The following LONRF2 variants were observed in gnomAD, a reference collection of about 807,000 sequenced individuals.
LONRF2 encodes LON peptidase N-terminal domain and RING finger protein 2.
Under a neutral mutation model 66.6 loss-of-function variants are expected in LONRF2, and 35 were observed. The ratio of observed to expected loss-of-function variants is 0.53; its 90% CI spans 0.40 to 0.70. The LOEUF (loss-of-function observed/expected upper bound fraction) is 0.70. Ranked by LOEUF, LONRF2 falls within the 30% of genes least tolerant of loss-of-function variation. The pLI is 0.00. For missense variants in LONRF2, 902 were observed against 1,002.1 expected (o/e 0.90, Z 1.35); for synonymous variants, 417 against 418.1 (o/e 1.00, Z 0.03).
At chr2:100,296,075 AAG>A (rs1057201629) in intron 7 of LONRF2, among the ~76,000 whole-genome samples, 1 of 152,042 alleles carries the variant, frequency 6.6e-6, no homozygotes, top group African/African-American at 2.4e-5. Flanking sequence ...TGGATTGAGA[AAG>A]AGAGAGAGGG....
At chr2:100,294,659 A>G (rs142015495) in intron 8 of LONRF2, among the ~76,000 whole-genome samples, 53 of 152,266 alleles carry the variant, frequency 3.5e-4, no homozygotes, top group Admixed American at 2.0e-3. Context: ...CCTTTTAAGC[A>G]CTCTAAAAAA....
intron 1 of LONRF2, among the ~76,000 whole-genome samples, chr2:100,321,054 T>C (rs1349800215): frequency 3.3e-5 from 5 of 152,198 alleles, no homozygotes; most frequent in African/African-American, 1.2e-4. Context: ...GCCTGTAGTG[T>C]GTCAGCTATG....
In LONRF2 at chr2:100,321,671, G is replaced by A. The variant is rs1292716848; in HGVS notation, c.423C>T (p.Leu141=). 18 of 1,335,788 alleles carry A rather than the reference G, an allele frequency of 1.3e-5. No homozygotes were observed. Among genetic ancestry groups the A allele is most frequent in the Non-Finnish European group, 1.7e-5 (18 of 1,045,434 alleles). The allele number at this position is 1,335,788 out of a possible 1,614,324, so 82.7% of individuals were successfully genotyped here. Residue 141 remains leucine (L), a synonymous_variant, in exon 1 of 12, where the codon CTC becomes CTT. Transcript: ENST00000393437. The part of the protein sequence containing the change: ...APEPRAPRDL[L]GCPRCRRLLH... ...GCAGCCGCCGGCAGCGCGGGCAGCCGAGCAGGTCGCGGGGCGCGCGGGGCT... is the reference window on the plus strand; with the variant it reads ...GCAGCCGCCGGCAGCGCGGGCAGCCAAGCAGGTCGCGGGGCGCGCGGGGCT...
At chr2:100,299,027 C>T in intron 6 of LONRF2, 77 bp from the exon 7 acceptor site, 4 of 1,130,126 alleles carry the variant, frequency 3.5e-6, no homozygotes, top group Middle Eastern at 2.0e-4. Context: ...TTGAAGGATT[C>T]CTTATGCAAT....
chr2:100,294,485 C>A lies in LONRF2; in HGVS notation c.1599-98G>T, dbSNP rs777433053. The A allele has an allele frequency of 8.7e-5, 98 of 1,124,600 alleles. 1 individual carries two copies. Among genetic ancestry groups the A allele is most frequent in the Middle Eastern group, 6.2e-4 (2 of 3,246 alleles). The allele number at this position is 1,124,600 out of a possible 1,614,324, so 69.7% of individuals were successfully genotyped here. A position where few individuals can be genotyped will look rare whatever the true frequency, so the allele number is the denominator to read the frequency against. On this transcript the variant is annotated intron_variant, in intron 8 of 11. Coordinates refer to ENST00000393437, the MANE Select transcript of LONRF2 (RefSeq NM_198461.4). The stretch of plus-strand genomic sequence containing the variant: ...CAGCAAAAGCCAGCCAACCTCAGTT[C>A]TCCCCTCTACAAAACAAAACCCTCA...
chr2:100,284,177 G>T lies in LONRF2; in HGVS notation c.*121C>A. The T allele has an allele frequency of 2.3e-6, 2 of 860,926 alleles. No individual in the cohort carries two copies. The highest frequency in any genetic ancestry group is 3.4e-6 in the Non-Finnish European group (2 of 581,162). The allele number at this position is 860,926 out of a possible 1,614,324, so 53.3% of individuals were successfully genotyped here. A position where few individuals can be genotyped will look rare whatever the true frequency, so the allele number is the denominator to read the frequency against. On this transcript the variant is annotated 3_prime_UTR_variant, in exon 12 of 12. Coordinates refer to ENST00000393437, the MANE Select transcript of LONRF2 (RefSeq NM_198461.4). The stretch of plus-strand genomic sequence containing the variant: ...GAGGAGGACTCAATGTTTGGCAAGC[G>T]TCCCATTTTGGAACCTCATCCACAA...
At chr2:100,307,163 G>T (rs546087616) in intron 2 of LONRF2, among the ~76,000 whole-genome samples, 1 of 152,124 alleles carries the variant, frequency 6.6e-6, no homozygotes, top group African/African-American at 2.4e-5. Flanking sequence ...CTCGTGATCC[G>T]CCCGTCTCGG....
At chr2:100,294,445 T>C (rs1675024228) in intron 8 of LONRF2, 58 bp from the exon 9 acceptor site, 1 of 1,456,592 alleles carries the variant, frequency 6.9e-7, no homozygotes, top group Non-Finnish European at 9.1e-7. Context: ...CAGAGGGTGG[T>C]ACTGGCCACC....
rs372796729 is a variant in LONRF2 at position 100,298,839 on chromosome 2, C to T, written c.1473G>A (p.Ser491=). The T allele has an allele frequency of 3.1e-5, 50 of 1,612,666 alleles. No homozygotes were observed. The highest frequency in any genetic ancestry group is 8.3e-5 in the Admixed American group (5 of 59,986). ...PHCPLCKDKL[S]ELLASRNFNI... ...TCATTTCCTAAAGTGTACTTACTTC[C>T]GAAAGTTTGTCTTTGCACAAAGGAC... Residue 491 remains serine, a synonymous_variant, in exon 7 of 12, where the codon TCG becomes TCA. Transcript: ENST00000393437.
At position 100,315,594 on chromosome 2, in the gene LONRF2, G is replaced by A. The variant is rs183886169; in HGVS notation, c.679+5821C>T. Among the ~76,000 whole-genome samples, 830 of 122,118 alleles carry A rather than the reference G, an allele frequency of 6.8e-3. 13 individuals are homozygous for A. Among genetic ancestry groups the A allele is most frequent in the Non-Finnish European group, 5.3e-3 (278 of 52,026 alleles). The allele number at this position is 122,118 out of a possible 152,430, so 80.1% of individuals were successfully genotyped here. On this transcript the variant is annotated intron_variant, in intron 1 of 11. Transcript: ENST00000393437. ...AAATTAAGAAAGTTCCTTTTTATTC[G>A]TAGTTTCCTGAGAGATGCATCATAT...
rs1675631701 is a variant in LONRF2 at position 100,321,678 on chromosome 2, TCGCGGGGCG to T, written c.407_415del (p.Ala136_Arg138del). 1 of 1,268,000 alleles carries T rather than the reference TCGCGGGGCG, an allele frequency of 7.9e-7. No homozygotes were observed. Among genetic ancestry groups the T allele is most frequent in the Non-Finnish European group, 9.9e-7 (1 of 1,011,160 alleles). 78.5% of individuals were successfully genotyped at this position (1,268,000 alleles called of 1,614,324 possible). The stretch of plus-strand genomic sequence containing the variant: ...CCGGCAGCGCGGGCAGCCGAGCAGG[TCGCGGGGCG>T]CGCGGGGCTCCGGGGCCGGCCCTCC... On this transcript the variant is annotated inframe_deletion, in exon 1 of 12. Transcript: ENST00000393437.
At chr2:100,293,848 G>T (rs1401287197) in intron 9 of LONRF2, among the ~76,000 whole-genome samples, 1 of 152,138 alleles carries the variant, frequency 6.6e-6, no homozygotes, top group East Asian at 1.9e-4. Context: ...CCAAAGTGCT[G>T]GGATTACAAG....
Position 100,322,468 on chromosome 2 carries a change from C to T in LONRF2, c.-375G>A. ...CTCCAGGTCCGCGTCTCTTGCGATG[C>T]TTCCCCCACTCGCCTGAGGGCTCCT... On this transcript the variant is annotated 5_prime_UTR_variant, in exon 1 of 12. Coordinates refer to ENST00000393437, the MANE Select transcript of LONRF2 (RefSeq NM_198461.4). 6.0e-6 allele frequency: 1 copy of T among 167,904 alleles called. No homozygotes were observed. Among genetic ancestry groups the T allele is most frequent in the Non-Finnish European group, 1.3e-5 (1 of 78,628 alleles). The allele number at this position is 167,904 out of a possible 1,614,324, so 10.4% of individuals were successfully genotyped here. A position where few individuals can be genotyped will look rare whatever the true frequency, so the allele number is the denominator to read the frequency against.
chr2:100,318,608 C>G (rs896166932), intron 1 of LONRF2, among the ~76,000 whole-genome samples: 3 of 151,746 alleles, frequency 2.0e-5, no homozygotes, highest in African/African-American at 7.3e-5. Context: ...GGGCAGATCA[C>G]TTGACTACAG....
chr2:100,309,339 C>T, intron 1 of LONRF2, 114 bp from the exon 2 acceptor site: 1 of 485,392 alleles, frequency 2.1e-6, no homozygotes, highest in Non-Finnish European at 3.6e-6. Context: ...AGTATAAATA[C>T]AATACAATAC....
intron 1 of LONRF2, 146 bp downstream of exon 1, chr2:100,321,269 C>G (rs1675617448): frequency 1.4e-6 from 1 of 712,334 alleles, no homozygotes; most frequent in African/African-American, 1.9e-5. Context: ...CACCTTTCAC[C>G]TTCCCATCCT....
intron 2 of LONRF2, among the ~76,000 whole-genome samples, chr2:100,308,205 T>A (rs1461242953): frequency 7.1e-6 from 1 of 140,934 alleles, no homozygotes; most frequent in African/African-American, 2.7e-5. Context: ...CTGTCTCTAC[T>A]AAAAAATACA....
At chr2:100,318,728 G>A (rs1675559901) in intron 1 of LONRF2, among the ~76,000 whole-genome samples, 1 of 151,952 alleles carries the variant, frequency 6.6e-6, no homozygotes, top group Non-Finnish European at 1.5e-5. Flanking sequence ...TTACCTGAGA[G>A]GCTGAGGCAC....
At chr2:100,304,186 C>T (rs1454620569) in intron 2 of LONRF2, among the ~76,000 whole-genome samples, 2 of 151,852 alleles carry the variant, frequency 1.3e-5, no homozygotes, top group African/African-American at 2.4e-5. Flanking sequence ...AGGGTCTCAC[C>T]CTGTTGCCCA....
Sources: gnomAD v4.1 joint callset for allele counts (sites outside exome capture counted in the v4.1 genomes callset) on GRCh38, gnomAD v4.1.1 for gene constraint, MANE v1.5 for transcripts, NCBI Gene and HGNC (gene_info 2026-07-23, HGNC 2026-07-21) for gene names.